The following TLR3 variants were observed in gnomAD, a reference collection of about 807,000 sequenced individuals.
TLR3 encodes the protein toll-like receptor 3.
TLR3 carries 43 observed loss-of-function variants against 66.4 expected under a neutral mutation model. The ratio of observed to expected loss-of-function variants is 0.65; its 90% CI spans 0.51 to 0.83. TLR3 has a LOEUF of 0.83. Ranked by LOEUF, TLR3 falls within the 40% of genes least tolerant of loss-of-function variation. The probability of loss-of-function intolerance (pLI) is 0.00; values close to 1 mark genes in which losing one functional copy is unlikely to be tolerated. For synonymous variants in TLR3, 397 were observed against 397.2 expected, an observed-to-expected ratio of 1.00 and a Z score of 0.01; for missense variants, 982 against 1,044.6, an observed-to-expected ratio of 0.94 and a Z score of 0.83.
chr4:186,075,704 A>G (rs1321922138), intron 1 of TLR3, among the ~76,000 whole-genome samples: 4 of 152,192 alleles, frequency 2.6e-5, no homozygotes, highest in Non-Finnish European at 5.9e-5. Flanking sequence ...TTGCTGAATT[A>G]ATGTAGGCCA....
rs911911474 is a variant in TLR3 at position 186,086,240 on chromosome 4, C to T, written c.*1367C>T. 1 of 152,164 alleles carries T rather than the reference C, an allele frequency of 6.6e-6. No homozygotes were observed. Among genetic ancestry groups the T allele is most frequent in the Non-Finnish European group, 1.5e-5 (1 of 68,022 alleles). The allele number at this position is 152,164 out of a possible 1,614,324, so 9.4% of individuals were successfully genotyped here. ...GAGAATCTGATTATTGGAAATAGAC[C>T]TGAATAGCTTTTTGAAATATTTATA... On this transcript the variant is annotated 3_prime_UTR_variant, in exon 5 of 5. Coordinates refer to ENST00000296795, the MANE Select transcript of TLR3 (RefSeq NM_003265.3).
intron 3 of TLR3, among the ~76,000 whole-genome samples, chr4:186,080,750 C>G (rs1306066244): frequency 6.6e-6 from 1 of 152,038 alleles, no homozygotes; most frequent in Non-Finnish European, 1.5e-5. Flanking sequence ...TGCCACCACC[C>G]CTGGCTAATT....
Position 186,083,550 on chromosome 4 carries a change from A to AT in TLR3, c.1865dup (p.Thr623AsnfsTer4). The AT allele has an allele frequency of 6.2e-7, 1 of 1,611,230 alleles. No individual in the cohort carries two copies. The highest frequency in any genetic ancestry group is 1.7e-5 in the Admixed American group (1 of 59,846). ...GTCATTGAACCTTCAGAAGAATCTC[A>AT]TAACATCCGTTGAGAAGAAGGTTTT... is the stretch of plus-strand genomic sequence containing the variant. On this transcript the variant is annotated frameshift_variant, in exon 4 of 5. Coordinates refer to ENST00000296795, the MANE Select transcript of TLR3 (RefSeq NM_003265.3). LOFTEE classifies it high-confidence loss of function. The surrounding 1 kb of genome is among the most constrained non-coding windows in gnomAD (Gnocchi z 4.0).
intron 3 of TLR3, among the ~76,000 whole-genome samples, chr4:186,080,955 A>C (rs994622725): frequency 6.6e-6 from 1 of 151,526 alleles, no homozygotes; most frequent in Non-Finnish European, 1.5e-5. Context: ...AAAAAAAGAG[A>C]GAAGTATAGA....
In TLR3 at chr4:186,082,882, A is replaced by G. The variant is rs1391412718; in HGVS notation, c.1196A>G (p.Glu399Gly). 3 of 1,613,682 alleles carry G rather than the reference A, an allele frequency of 1.9e-6. No homozygotes were observed. The highest frequency in any genetic ancestry group is 2.7e-5 in the African/African-American group (2 of 75,046). ...ACAAGTTTGCGAACTTTGACAAATG[A>G]AACATTTGTATCACTTGCTCATTCT... ...SFTSLRTLTN[E>G]TFVSLAHSPL... The change falls in exon 4 of 5, where the codon GAA becomes GGA. Residue 399 changes from glutamate to glycine, a missense_variant. Coordinates refer to ENST00000296795, the MANE Select transcript of TLR3 (RefSeq NM_003265.3).
intron 1 of TLR3, among the ~76,000 whole-genome samples, chr4:186,075,120 TATC>T (rs1366223884): frequency 7.2e-5 from 11 of 152,240 alleles, no homozygotes; most frequent in African/African-American, 2.2e-4. Flanking sequence ...ATTCATTTAT[TATC>T]ATTATCAACT....
intron 1 of TLR3, among the ~76,000 whole-genome samples, chr4:186,075,252 C>T (rs140599160): frequency 2.8e-4 from 43 of 152,202 alleles, no homozygotes; most frequent in Middle Eastern, 3.4e-3. Flanking sequence ...GATATTATGA[C>T]GGCTAGATTA....
intron 3 of TLR3, among the ~76,000 whole-genome samples, chr4:186,081,045 G>T (rs2099303341): frequency 6.6e-6 from 1 of 152,170 alleles, no homozygotes; most frequent in South Asian, 2.1e-4. Flanking sequence ...AAATCTGCAT[G>T]ATAGCATTAT....
chr4:186,069,362 T>C (rs2150064745), intron 1 of TLR3, 114 bp downstream of exon 1: 1 of 152,352 alleles, frequency 6.6e-6, no homozygotes, highest in African/African-American at 2.4e-5. Flanking sequence ...TTTGATCTGG[T>C]GCTTGAAATC....
In TLR3 at chr4:186,085,879, T is replaced by C. The variant is rs2099304270; in HGVS notation, c.*1006T>C. The C allele has an allele frequency of 6.6e-6, 1 of 152,262 alleles. No homozygotes were observed. Among genetic ancestry groups the C allele is most frequent in the Non-Finnish European group, 1.5e-5 (1 of 68,080 alleles). 9.4% of individuals were successfully genotyped at this position (152,262 alleles called of 1,614,324 possible). ...GTTTGTTTGTTTTTTATTTGTTTGT[T>C]TTTGAGACAGAGTCTGGCTCTGTCG... is the stretch of plus-strand genomic sequence containing the variant. On this transcript the variant is annotated 3_prime_UTR_variant, in exon 5 of 5. Coordinates refer to ENST00000296795, the MANE Select transcript of TLR3 (RefSeq NM_003265.3).
chr4:186,079,117 C>G, intron 3 of TLR3, 86 bp downstream of exon 3: 1 of 1,181,122 alleles, frequency 8.5e-7, no homozygotes, highest in Non-Finnish European at 1.2e-6. Context: ...ATGTAATGCT[C>G]TCTAGCCTCT....
At chr4:186,075,625 G>A (rs924576749) in intron 1 of TLR3, among the ~76,000 whole-genome samples, 1 of 151,758 alleles carries the variant, frequency 6.6e-6, no homozygotes, top group Non-Finnish European at 1.5e-5. Flanking sequence ...GTGAGACCCT[G>A]TCTCTAAAAA....
intron 3 of TLR3, among the ~76,000 whole-genome samples, chr4:186,081,348 T>C (rs1180906740): frequency 6.6e-6 from 1 of 152,036 alleles, no homozygotes; most frequent in Admixed American, 6.5e-5. Flanking sequence ...CTGGCCTCCA[T>C]TCTCTCTGGA....
rs192011738 is a variant in TLR3 at position 186,072,856 on chromosome 4, C to T, written c.-8+3608C>T. Among the ~76,000 whole-genome samples, 152 of 152,316 alleles carry T rather than the reference C, an allele frequency of 1.0e-3. 1 individual carries two copies. The highest frequency in any genetic ancestry group is 9.0e-4 in the Non-Finnish European group (61 of 68,024). On this transcript the variant is annotated intron_variant, in intron 1 of 4. Transcript: ENST00000296795. ...TATTTCTTCAGAGCCAACAAAGTGC[C>T]AGGTCTTGTTCTAGGCACAGACAAC...
chr4:186,070,785 C>T (rs1561368552), intron 1 of TLR3, among the ~76,000 whole-genome samples: 1 of 152,112 alleles, frequency 6.6e-6, no homozygotes, highest in African/African-American at 2.4e-5. Flanking sequence ...TTCATTGCAG[C>T]CTTAACCTCC....
intron 2 of TLR3, 104 bp downstream of exon 2, chr4:186,077,164 A>AG: frequency 8.1e-7 from 1 of 1,239,428 alleles, no homozygotes; most frequent in Non-Finnish European, 1.1e-6. Context: ...AATTTGATCT[A>AG]ATCCAATTTG....
Position 186,083,260 on chromosome 4 carries a change from T to C in TLR3, c.1574T>C (p.Met525Thr), listed in dbSNP as rs1214257730. ...AACATAGCCAACATAAATGATGACATGTTGGAGGGTCTTGAGAAACTAGAA... is the reference window on the plus strand; with the variant it reads ...AACATAGCCAACATAAATGATGACACGTTGGAGGGTCTTGAGAAACTAGAA... ...NNNIANINDD[M>T]LEGLEKLEIL... The change falls in exon 4 of 5, where the codon ATG becomes ACG. Residue 525 changes from methionine to threonine, a missense_variant. Coordinates refer to ENST00000296795, the MANE Select transcript of TLR3 (RefSeq NM_003265.3). The surrounding 1 kb of genome is among the most constrained non-coding windows in gnomAD (Gnocchi z 4.0). The C allele has an allele frequency of 6.2e-7, 1 of 1,614,172 alleles. No homozygotes were observed. Among genetic ancestry groups the C allele is most frequent in the East Asian group, 2.2e-5 (1 of 44,880 alleles).
At chr4:186,084,225 CTT>C (rs141759307) in intron 4 of TLR3, 53 bp downstream of exon 4, 1,071 of 1,306,920 alleles carry the variant, frequency 8.2e-4, no homozygotes, top group African/African-American at 2.4e-3. Context: ...AATTAAATTT[CTT>C]TTTTTTTTTT....
chr4:186,076,163 C>G (rs1233458345), intron 1 of TLR3, among the ~76,000 whole-genome samples: 2 of 151,950 alleles, frequency 1.3e-5, no homozygotes, highest in Non-Finnish European at 2.9e-5. Context: ...AAAAACAAAA[C>G]AGAACAAAAT....
Sources: allele counts gnomAD v4.1 joint callset (sites outside exome capture counted in the v4.1 genomes callset), GRCh38; gene constraint gnomAD v4.1.1; non-coding constraint Gnocchi (gnomAD v3.1); transcripts MANE v1.5; gene names NCBI Gene and HGNC (gene_info 2026-07-23, HGNC 2026-07-21).